Variants in ACBD4 observed in about 807,000 individuals in gnomAD.
The protein encoded by ACBD4 is acyl-CoA binding domain containing 4, also known as acyl-CoA-binding domain-containing protein 4.
Under a neutral mutation model 46.0 loss-of-function variants are expected in ACBD4, and 41 were observed. The observed-to-expected ratio is 0.89, with a 90% CI of 0.69 to 1.16. ACBD4 has a LOEUF of 1.16. ACBD4 is among the 50% of genes most tolerant of loss of function. ACBD4 has a pLI of 0.00. For missense variants in ACBD4, 393 were observed against 399.5 expected (o/e 0.98, Z 0.14); for synonymous variants, 162 against 155.9 (o/e 1.04, Z -0.29).
In ACBD4 at chr17:45,137,830, G is replaced by A; in HGVS notation, c.573G>A (p.Leu191=). Residue 191 remains leucine, a splice_region_variant and synonymous_variant, in exon 7 of 10, where the codon CTG becomes CTA. Coordinates refer to ENST00000321854, the MANE Select transcript of ACBD4 (RefSeq NM_001135705.3). ...CDSLEQLEPE[L]VWTEQRAASG... The stretch of plus-strand genomic sequence containing the variant: ...CCCTGGAGCAGCTGGAGCCTGAGCT[G>A]GTGAGCCCAGTCCCCATTCCCCCCT... The A allele has an allele frequency of 6.2e-7, 1 of 1,613,712 alleles. No individual in the cohort carries two copies. The highest frequency in any genetic ancestry group is 8.5e-7 in the Non-Finnish European group (1 of 1,179,718).
intron 2 of ACBD4, 96 bp from the exon 3 acceptor site, chr17:45,136,404 C>T: frequency 6.8e-7 from 1 of 1,472,602 alleles, no homozygotes; most frequent in East Asian, 2.3e-5. Context: ...TGGGACCCAT[C>T]ACCACCTCTG....
chr17:45,135,060 G>C (rs938815401), upstream of ACBD4, among the ~76,000 whole-genome samples: 9 of 151,650 alleles, frequency 5.9e-5, no homozygotes, highest in Non-Finnish European at 1.3e-4. Context: ...CCACCTCCCG[G>C]GTTCAAGCGA....
At chr17:45,141,339 C>T (rs554564930) in intron 9 of ACBD4, among the ~76,000 whole-genome samples, 31 of 152,226 alleles carry the variant, frequency 2.0e-4, no homozygotes, top group Admixed American at 1.4e-3. Context: ...GGTGGTTCCT[C>T]GATACACATT....
At chr17:45,132,545 G>C (rs1000037052), upstream of ACBD4, 2 of 239,442 alleles carry the variant, frequency 8.4e-6, no homozygotes, top group African/African-American at 4.6e-5. The surrounding 1 kb of genome is among the most constrained non-coding windows in gnomAD (Gnocchi z 4.6). Context: ...GGAGTCGGAG[G>C]AGGCAGCAGG....
At chr17:45,142,783 T>G (rs1250900027) in intron 9 of ACBD4, 1 of 154,370 alleles carries the variant, frequency 6.5e-6, no homozygotes, top group African/African-American at 2.4e-5. Flanking sequence ...GGTCTTGAAC[T>G]CCTGACCTCG....
upstream of ACBD4, among the ~76,000 whole-genome samples, chr17:45,131,794 G>A (rs986629555): frequency 4.6e-5 from 7 of 152,244 alleles, no homozygotes; most frequent in Non-Finnish European, 7.3e-5. Context: ...CCTCTGTGGG[G>A]CCGCGGCTTG....
At chr17:45,134,781 AT>A (rs1446053367), upstream of ACBD4, among the ~76,000 whole-genome samples, 2 of 152,104 alleles carry the variant, frequency 1.3e-5, no homozygotes, top group Non-Finnish European at 2.9e-5. Flanking sequence ...TCTCAAAAAA[AT>A]AAATAAATAA....
At chr17:45,142,792 C>CAA in intron 9 of ACBD4, 1 of 154,226 alleles carries the variant, frequency 6.5e-6, no homozygotes, top group South Asian at 1.8e-4. Context: ...CTCCTGACCT[C>CAA]GTGACCACCT....
upstream of ACBD4, chr17:45,132,569 C>T (rs1480247984): frequency 1.3e-4 from 2 of 15,050 alleles, no homozygotes; most frequent in East Asian, 3.4e-3. The surrounding 1 kb of genome is among the most constrained non-coding windows in gnomAD (Gnocchi z 4.6). Flanking sequence ...TGGGGCGGGG[C>T]GGGGCGGGAA....
At position 45,137,243 on chromosome 17, in the gene ACBD4, G is replaced by A. The variant is rs530771184; in HGVS notation, c.415+104G>A. ...GGGCTCCAGGCGACATCCCTGTTAG[G>A]GCCCCCAAGCCCCCGAGAGGTGGAT... On this transcript the variant is annotated intron_variant, in intron 5 of 9. Transcript: ENST00000321854. The A allele has an allele frequency of 3.4e-5, 55 of 1,599,978 alleles. No individual in the cohort carries two copies. The South Asian group carries it at 5.7e-4, about 17-fold the overall frequency.
upstream of ACBD4, chr17:45,132,379 C>T: frequency 8.1e-7 from 1 of 1,227,242 alleles, no homozygotes; most frequent in Non-Finnish European, 1.0e-6. The surrounding 1 kb of genome is among the most constrained non-coding windows in gnomAD (Gnocchi z 4.6). Context: ...CTCGGGCGGG[C>T]GGCGGCAACG....
At chr17:45,137,556 TC>T in intron 6 of ACBD4, 102 bp downstream of exon 6, 2 of 1,429,692 alleles carry the variant, frequency 1.4e-6, no homozygotes, top group East Asian at 2.3e-5. Context: ...CACTGAGACT[TC>T]CTGTGCTCCC....
At chr17:45,137,690 G>T (rs778594229) in intron 6 of ACBD4, 70 bp from the exon 7 acceptor site, 16 of 1,555,260 alleles carry the variant, frequency 1.0e-5, no homozygotes, top group Non-Finnish European at 1.4e-5. Context: ...AGGTGCTTCT[G>T]CCCAGTGCAC....
intron 6 of ACBD4, 128 bp downstream of exon 6, chr17:45,137,582 G>T (rs997827078): frequency 2.2e-6 from 3 of 1,360,456 alleles, no homozygotes; most frequent in Non-Finnish European, 3.1e-6. Context: ...GTGGGGACCG[G>T]GGTCTAGGAT....
At chr17:45,136,345 C>T (rs1598069237) in intron 2 of ACBD4, 113 bp downstream of exon 2, 1 of 1,508,374 alleles carries the variant, frequency 6.6e-7, no homozygotes, top group East Asian at 2.3e-5. Context: ...CCTGCCTGGG[C>T]TGTCCTGGGG....
At position 45,143,489 on chromosome 17, in the gene ACBD4, CG is replaced by C; in HGVS notation, c.840del (p.Ala282ArgfsTer48). On this transcript the variant is annotated frameshift_variant, in exon 10 of 10. Transcript: ENST00000321854. LOFTEE classifies it high-confidence loss of function. The part of the protein sequence containing the change: ...PSARPWPLGL[P>X]GPALLFFLLW... The stretch of plus-strand genomic sequence containing the variant: ...GCTCGGCCATGGCCCCTTGGGCTCC[CG>C]GGGCCCGCGCTGCTCTTCTTCCTCC... The C allele has an allele frequency of 6.2e-7, 1 of 1,613,422 alleles. No individual in the cohort carries two copies. The highest frequency in any genetic ancestry group is 8.5e-7 in the Non-Finnish European group (1 of 1,179,944).
chr17:45,139,137 A>C lies in ACBD4; in HGVS notation c.766A>C (p.Ser256Arg). Reference sequence around the variant, plus strand: ...GCAGGCGAGGGTGCAGAGCCTGGAGAGCATGCCCCGGCCCCCTGAGCAGGT... The same window carrying C: ...GCAGGCGAGGGTGCAGAGCCTGGAGCGCATGCCCCGGCCCCCTGAGCAGGT... ...EVQARVQSLE[S>R]MPRPPEQRPQ... is the part of the protein sequence containing the mutation. Residue 256 changes from serine to arginine, a missense_variant, in exon 9 of 10, where the codon AGC becomes CGC. By Grantham distance (110) the Ser-to-Arg change is moderately radical (BLOSUM62 -1). Transcript: ENST00000321854. 1 of 1,613,664 alleles carries C rather than the reference A, an allele frequency of 6.2e-7. No homozygotes were observed. The highest frequency in any genetic ancestry group is 8.5e-7 in the Non-Finnish European group (1 of 1,179,990).
Position 45,137,159 on chromosome 17 carries a change from A to T in ACBD4, c.415+20A>T. 1 of 1,613,812 alleles carries T rather than the reference A, an allele frequency of 6.2e-7. No individual in the cohort carries two copies. On this transcript the variant is annotated intron_variant, in intron 5 of 9. Transcript: ENST00000321854. ...TCACAGGTCAGACTCCCAGGCTGGGAGCTCCAAAAGTGCTGAGTGAACCGT... is the reference window on the plus strand; with the variant it reads ...TCACAGGTCAGACTCCCAGGCTGGGTGCTCCAAAAGTGCTGAGTGAACCGT...
Position 45,137,924 on chromosome 17 carries a change from G to C in ACBD4, c.585G>C (p.Glu195Asp), listed in dbSNP as rs768396117. ...EQLEPELVWTEQRAASGGKRD... is the reference protein window; with the variant it reads ...EQLEPELVWTDQRAASGGKRD... ...ACTCATCTCAGCAGGTTTGGACAGAGCAGCGGGCAGCATCTGGAGGAAAGC... is the reference window on the plus strand; with the variant it reads ...ACTCATCTCAGCAGGTTTGGACAGACCAGCGGGCAGCATCTGGAGGAAAGC... The change falls in exon 8 of 10, where the codon GAG (glutamate) becomes GAC (aspartate). Residue 195 changes from glutamate (E) to aspartate (D), a missense_variant. Around this residue, in one of 3 missense-constraint regions of ACBD4, gnomAD observed 308 missense variants for 301.8 expected, o/e 1.02. Transcript: ENST00000321854. The C allele has an allele frequency of 1.9e-6, 3 of 1,613,864 alleles. No individual in the cohort carries two copies. The highest frequency in any genetic ancestry group is 1.7e-5 in the Admixed American group (1 of 60,014).
Sources: allele counts gnomAD v4.1 joint callset (sites outside exome capture counted in the v4.1 genomes callset), GRCh38; gene constraint gnomAD v4.1.1; regional missense constraint gnomAD v4.1.1; non-coding constraint Gnocchi (gnomAD v3.1); transcripts MANE v1.5; gene names NCBI Gene and HGNC (gene_info 2026-07-23, HGNC 2026-07-21).